The following CPA6 variants were observed in gnomAD, a reference collection of about 807,000 sequenced individuals.
CPA6 encodes carboxypeptidase B.
In CPA6, 58 loss-of-function variants were observed where a neutral mutation model predicts 63.3. The observed-to-expected ratio is 0.92, with a 90% CI of 0.74 to 1.14. The LOEUF is 1.14. Among genes scored for constraint, CPA6 ranks in the 50% most tolerant of loss-of-function variants. The pLI is 0.00. For synonymous variants in CPA6, 185 were observed against 179.0 expected (o/e 1.03, Z -0.27); for missense variants, 565 against 526.6 (o/e 1.07, Z -0.71).
At chr8:67,455,954 A>T (rs2128956380) in intron 8 of CPA6, among the ~76,000 whole-genome samples, 1 of 152,256 alleles carries the variant, frequency 6.6e-6, no homozygotes. Flanking sequence ...GCCTCAGGTG[A>T]TCCTCTTGCC....
intron 8 of CPA6, among the ~76,000 whole-genome samples, chr8:67,457,694 C>T (rs1340509304): frequency 6.9e-6 from 1 of 144,824 alleles, no homozygotes; most frequent in Non-Finnish European, 1.5e-5. Context: ...TTCCCCCAAC[C>T]CCAGAAAAAA....
In CPA6 at chr8:67,630,791, C is replaced by T. The variant is rs1433033101; in HGVS notation, c.117-6540G>A. ...TGGGCCAGTGTGAGTTCCGGGTGGC[C>T]GCAGGCTCCGCGGCCCCGCACTTTG... On this transcript the variant is annotated intron_variant, in intron 1 of 10. Transcript: ENST00000297770. Among the ~76,000 whole-genome samples, 9 of 152,218 alleles carry T rather than the reference C, an allele frequency of 5.9e-5. No homozygotes were observed. The South Asian group carries it at 1.4e-3, about 25-fold the overall frequency.
intron 1 of CPA6, among the ~76,000 whole-genome samples, chr8:67,698,475 G>T (rs978246287): frequency 9.9e-5 from 15 of 152,016 alleles, no homozygotes; most frequent in African/African-American, 3.6e-4. Flanking sequence ...GTGCTCTTTG[G>T]GATATTATTG....
chr8:67,582,139 C>T (rs1026914114), intron 2 of CPA6, among the ~76,000 whole-genome samples: 1 of 152,120 alleles, frequency 6.6e-6, no homozygotes, highest in Admixed American at 6.6e-5. Context: ...AGGTGAACAG[C>T]TGCTAGAGCT....
chr8:67,460,026 G>T (rs748594785), intron 8 of CPA6, among the ~76,000 whole-genome samples: 1 of 152,120 alleles, frequency 6.6e-6, no homozygotes, highest in East Asian at 1.9e-4. Flanking sequence ...GGAAAAAAAG[G>T]CACTTGTCTA....
intron 1 of CPA6, among the ~76,000 whole-genome samples, chr8:67,666,219 A>G (rs1816223091): frequency 6.6e-6 from 1 of 152,134 alleles, no homozygotes; most frequent in African/African-American, 2.4e-5. Context: ...CTACTTCCAC[A>G]CCTATTTTAC....
At chr8:67,517,189 C>T (rs1049987287) in intron 3 of CPA6, among the ~76,000 whole-genome samples, 11 of 152,250 alleles carry the variant, frequency 7.2e-5, no homozygotes, top group Middle Eastern at 3.4e-3. Context: ...ACTCAGTTAC[C>T]CAAGCTAGAA....
chr8:67,624,902 T>A (rs572099831), intron 1 of CPA6, among the ~76,000 whole-genome samples: 10 of 152,248 alleles, frequency 6.6e-5, no homozygotes, highest in African/African-American at 2.2e-4. Context: ...TTGGTCTAGG[T>A]CCTGCTGCTT....
intron 2 of CPA6, among the ~76,000 whole-genome samples, chr8:67,593,980 T>G (rs1238351429): frequency 1.3e-5 from 2 of 150,168 alleles, no homozygotes; most frequent in South Asian, 4.3e-4. Flanking sequence ...TCCTAGTCTC[T>G]ATGGTCTTTA....
At chr8:67,501,593 T>C (rs1811831017) in intron 6 of CPA6, among the ~76,000 whole-genome samples, 2 of 152,206 alleles carry the variant, frequency 1.3e-5, no homozygotes, top group East Asian at 3.8e-4. Flanking sequence ...ATTGCATCCC[T>C]GAAATAAATC....
chr8:67,590,331 A>C (rs1814081913), intron 2 of CPA6, among the ~76,000 whole-genome samples: 1 of 151,560 alleles, frequency 6.6e-6, no homozygotes, highest in African/African-American at 2.4e-5. Flanking sequence ...GCTATTGTGA[A>C]TAGTGCCGCA....
chr8:67,685,970 C>T (rs1816701164), intron 1 of CPA6, among the ~76,000 whole-genome samples: 1 of 152,234 alleles, frequency 6.6e-6, no homozygotes, highest in Non-Finnish European at 1.5e-5. Context: ...CTTTCAATTT[C>T]TATCTCCTTA....
At chr8:67,563,621 T>A (rs1587567576) in intron 2 of CPA6, among the ~76,000 whole-genome samples, 1 of 152,238 alleles carries the variant, frequency 6.6e-6, no homozygotes, top group African/African-American at 2.4e-5. Context: ...TCTGACTACC[T>A]TTACACAAAA....
chr8:67,461,777 G>A lies in CPA6; in HGVS notation c.838+21991C>T, dbSNP rs1587452202. Among the ~76,000 whole-genome samples, 4 of 151,992 alleles carry A rather than the reference G, an allele frequency of 2.6e-5. No homozygotes were observed. The East Asian group carries it at 7.8e-4, about 30-fold the overall frequency. ...CTAGTAGGGGCGGCCGGGCAGAGGC[G>A]CCCCTCACCTCCCGGACGGGGCGGC... On this transcript the variant is annotated intron_variant, in intron 8 of 10. Transcript: ENST00000297770.
At chr8:67,597,985 A>T (rs1190419072) in intron 2 of CPA6, among the ~76,000 whole-genome samples, 3 of 152,250 alleles carry the variant, frequency 2.0e-5, no homozygotes, top group Non-Finnish European at 4.4e-5. Flanking sequence ...GCTATCTGAA[A>T]TCACCTTAAA....
At chr8:67,616,590 CAAA>C (rs1033543366) in intron 2 of CPA6, among the ~76,000 whole-genome samples, 2 of 149,030 alleles carry the variant, frequency 1.3e-5, no homozygotes, top group African/African-American at 4.9e-5. Context: ...TGGTGGATTA[CAAA>C]AATGACCACA....
intron 1 of CPA6, among the ~76,000 whole-genome samples, chr8:67,644,154 T>C (rs1449368834): frequency 3.3e-5 from 5 of 151,678 alleles, no homozygotes; most frequent in African/African-American, 9.7e-5. Flanking sequence ...AGTCTCGCTC[T>C]GTCGCCCAGG....
At chr8:67,559,985 A>G (rs1381094932) in intron 2 of CPA6, among the ~76,000 whole-genome samples, 1 of 151,924 alleles carries the variant, frequency 6.6e-6, no homozygotes, top group Non-Finnish European at 1.5e-5. Context: ...CTCAATCTGG[A>G]AAAAGCCCTT....
intron 1 of CPA6, among the ~76,000 whole-genome samples, chr8:67,696,676 C>T (rs1475593688): frequency 1.3e-5 from 2 of 152,130 alleles, no homozygotes; most frequent in Non-Finnish European, 1.5e-5. Context: ...GAATACCACT[C>T]AGCAATAAAG....
Sources: gnomAD v4.1 joint callset for allele counts (sites outside exome capture counted in the v4.1 genomes callset) on GRCh38, gnomAD v4.1.1 for gene constraint, MANE v1.5 for transcripts, NCBI Gene and HGNC (gene_info 2026-07-23, HGNC 2026-07-21) for gene names.